Variants in GPC5 observed in about 807,000 individuals in gnomAD.
The protein encoded by GPC5 is glypican 5.
In GPC5, 47 loss-of-function variants were observed where a neutral mutation model predicts 53.9. That is an observed-to-expected ratio of 0.87 (90% confidence interval 0.69 to 1.11). The LOEUF is 1.11. Ranked by LOEUF, GPC5 falls within the 50% of genes most tolerant of loss-of-function variation. The pLI, the probability that GPC5 is intolerant of heterozygous loss-of-function variation, is 0.00. For synonymous variants in GPC5, 286 were observed against 263.3 expected, an observed-to-expected ratio of 1.09 and a Z score of -0.84; for missense variants, 748 against 713.1, an observed-to-expected ratio of 1.05 and a Z score of -0.56.
intron 6 of GPC5, among the ~76,000 whole-genome samples, chr13:92,125,510 A>G (rs2041687310): frequency 1.3e-5 from 2 of 152,164 alleles, no homozygotes; most frequent in Admixed American, 6.5e-5. Context: ...GTGAGATTCT[A>G]TAAGATTTTA....
chr13:92,381,889 T>TCATATATATCATATATATGA (rs753025655), intron 7 of GPC5, among the ~76,000 whole-genome samples: 46,048 of 120,594 alleles, frequency 0.38, 11,274 homozygotes, highest in East Asian at 0.5. Flanking sequence ...ATTATATATA[T>TCATATATATCATATATATGA]TATATATAAT....
intron 5 of GPC5, among the ~76,000 whole-genome samples, chr13:91,840,184 ATAT>A (rs931444599): frequency 6.6e-6 from 1 of 152,060 alleles, no homozygotes; most frequent in Non-Finnish European, 1.5e-5. Flanking sequence ...TTTCAATGAA[ATAT>A]TATATTTTTT....
intron 3 of GPC5, among the ~76,000 whole-genome samples, chr13:91,710,483 T>G (rs909903811): frequency 6.6e-6 from 1 of 152,262 alleles, no homozygotes; most frequent in African/African-American, 2.4e-5. Context: ...AATTAGGTTA[T>G]TGGAAATAAG....
chr13:92,561,100 A>G (rs1038909443), intron 7 of GPC5, among the ~76,000 whole-genome samples: 2 of 151,980 alleles, frequency 1.3e-5, no homozygotes, highest in Non-Finnish European at 2.9e-5. Context: ...TTGGCTAGTT[A>G]TGCATGGGAG....
chr13:92,650,362 C>G (rs948319704), intron 7 of GPC5, among the ~76,000 whole-genome samples: 15 of 152,114 alleles, frequency 9.9e-5, no homozygotes, highest in African/African-American at 3.4e-4. Flanking sequence ...ATTCTGCCCT[C>G]AGAAATGTCT....
chr13:92,175,132 C>T lies in GPC5; in HGVS notation c.1561+30143C>T, dbSNP rs57254835. Among the ~76,000 whole-genome samples, 1,285 of 152,312 alleles carry T rather than the reference C, an allele frequency of 8.4e-3. 14 individuals carry two copies. Among genetic ancestry groups the T allele is most frequent in the African/African-American group, 0.029 (1,225 of 41,566 alleles). On this transcript the variant is annotated intron_variant, in intron 7 of 7. Coordinates refer to ENST00000377067, the MANE Select transcript of GPC5 (RefSeq NM_004466.6). Reference sequence around the variant, plus strand: ...CCACCCAAAGTGCTGGGATTACAGGCGTGAGCCACTGTGCCTGGCCGAACT... The same window carrying T: ...CCACCCAAAGTGCTGGGATTACAGGTGTGAGCCACTGTGCCTGGCCGAACT...
intron 2 of GPC5, among the ~76,000 whole-genome samples, chr13:91,556,792 G>T (rs1300491153): frequency 6.6e-6 from 1 of 151,902 alleles, no homozygotes; most frequent in Admixed American, 6.6e-5. Flanking sequence ...GCATAAGAAT[G>T]ATACAGTGGA....
chr13:92,587,914 C>CT lies in GPC5; in HGVS notation c.1562-278360dup, dbSNP rs910869982. On this transcript the variant is annotated intron_variant, in intron 7 of 7. Transcript: ENST00000377067. The stretch of plus-strand genomic sequence containing the variant: ...GGGTTTTTTTTTTGAAAGGCCTATT[C>CT]TTTTTTTTGTTACTTTAAGTTCTGG... 1.6e-3 allele frequency among the ~76,000 whole-genome samples: 244 copies of CT among 151,254 alleles called. 2 individuals are homozygous for CT. The highest frequency in any genetic ancestry group is 5.4e-3 in the African/African-American group (225 of 41,288).
chr13:91,433,914 C>G (rs1879697090), intron 1 of GPC5, among the ~76,000 whole-genome samples: 1 of 152,066 alleles, frequency 6.6e-6, no homozygotes, highest in Admixed American at 6.5e-5. Context: ...GAGATGGTAT[C>G]TCATTGTGGT....
At chr13:91,633,296 C>G (rs2034205886) in intron 2 of GPC5, among the ~76,000 whole-genome samples, 1 of 152,092 alleles carries the variant, frequency 6.6e-6, no homozygotes, top group Non-Finnish European at 1.5e-5. Context: ...GGATGTCATA[C>G]TGGTGAAGCT....
chr13:91,968,244 T>C (rs572739683), intron 6 of GPC5, among the ~76,000 whole-genome samples: 22 of 152,214 alleles, frequency 1.4e-4, no homozygotes, highest in Non-Finnish European at 3.2e-4. Flanking sequence ...TTTCCTATTT[T>C]AAAGTTTTTT....
chr13:92,174,376 A>C (rs774307805), intron 7 of GPC5, among the ~76,000 whole-genome samples: 4,611 of 107,950 alleles, frequency 0.043, 81 homozygotes, highest in Admixed American at 0.05. Flanking sequence ...AAAAAAAAAA[A>C]CAAAAAAAAA....
intron 7 of GPC5, among the ~76,000 whole-genome samples, chr13:92,151,004 T>C (rs987636334): frequency 1.3e-5 from 2 of 152,082 alleles, no homozygotes; most frequent in African/African-American, 2.4e-5. Flanking sequence ...TCTAGGTCTA[T>C]TTTTGATGTC....
At chr13:92,764,881 C>T (rs1036420136) in intron 7 of GPC5, among the ~76,000 whole-genome samples, 5 of 151,928 alleles carry the variant, frequency 3.3e-5, no homozygotes, top group African/African-American at 1.2e-4. Flanking sequence ...AAGTTTATGT[C>T]ATTACAATGG....
rs77129540 is a variant in GPC5, at chr13:92,852,508, C to T, written c.1562-13774C>T. 8.5e-3 allele frequency among the ~76,000 whole-genome samples: 1,294 copies of T among 152,316 alleles called. 19 individuals are homozygous for T. The highest frequency in any genetic ancestry group is 0.03 in the African/African-American group (1,241 of 41,554). ...CCTGAGTTTCAGAAACATCCTGCAA[C>T]TCATTTTGACCAATGACCTAGTAAG... On this transcript the variant is annotated intron_variant, in intron 7 of 7. Transcript: ENST00000377067.
At chr13:91,614,098 C>G (rs1340259059) in intron 2 of GPC5, among the ~76,000 whole-genome samples, 1 of 152,150 alleles carries the variant, frequency 6.6e-6, no homozygotes, top group African/African-American at 2.4e-5. Flanking sequence ...TTGGTAAGAG[C>G]AGTTGCATTT....
At chr13:92,711,903 G>A (rs1888151442) in intron 7 of GPC5, among the ~76,000 whole-genome samples, 2 of 151,988 alleles carry the variant, frequency 1.3e-5, no homozygotes, top group South Asian at 2.1e-4. Context: ...TATCAAAATT[G>A]TGCCAAACTG....
intron 2 of GPC5, among the ~76,000 whole-genome samples, chr13:91,643,037 C>T (rs1403399793): frequency 1.3e-5 from 2 of 152,078 alleles, no homozygotes; most frequent in African/African-American, 2.4e-5. Context: ...TTTTGCACTC[C>T]ACTTCTTATG....
At chr13:92,015,824 A>G (rs1166540063) in intron 6 of GPC5, among the ~76,000 whole-genome samples, 2 of 152,244 alleles carry the variant, frequency 1.3e-5, no homozygotes, top group Non-Finnish European at 2.9e-5. Context: ...AAGCAGATAA[A>G]TGAATGAATA....
Sources: allele counts gnomAD v4.1 joint callset (sites outside exome capture counted in the v4.1 genomes callset), GRCh38; gene constraint gnomAD v4.1.1; transcripts MANE v1.5; gene names NCBI Gene and HGNC (gene_info 2026-07-23, HGNC 2026-07-21).